WDR41: variants seen among roughly 807,000 people sequenced by gnomAD.
WDR41 encodes the protein WD repeat-containing protein 41.
WDR41 carries 63 observed loss-of-function variants against 69.3 expected under a neutral mutation model. That is an observed-to-expected ratio of 0.91 (90% CI 0.74 to 1.12). The LOEUF (loss-of-function observed/expected upper bound fraction) is 1.12, where lower values mean the gene tolerates loss of function less well. Ranked by LOEUF, WDR41 falls within the 50% of genes most tolerant of loss-of-function variation. The pLI is 0.00. For missense variants in WDR41, 543 were observed against 534.5 expected (o/e 1.02, Z -0.16); for synonymous variants, 185 against 192.1 (o/e 0.96, Z 0.31).
chr5:77,436,177 C>A lies in WDR41; in HGVS notation c.1227+84G>T. 3.3e-6 allele frequency: 5 copies of A among 1,525,426 alleles called. No homozygotes were observed. In the South Asian group the frequency reaches 6.5e-5, roughly 20 times the overall value. The allele number at this position is 1,525,426 out of a possible 1,614,324, so 94.5% of individuals were successfully genotyped here. Reference sequence around the variant, plus strand: ...CTACAGATATAAGAAAAAGTATATGCCTTTATGAGATCAACTGAAAGAAAA... The same window carrying A: ...CTACAGATATAAGAAAAAGTATATGACTTTATGAGATCAACTGAAAGAAAA... On this transcript the variant is annotated intron_variant, in intron 12 of 12. Transcript: ENST00000296679.
At chr5:77,459,201 C>G in intron 4 of WDR41, 77 bp from the exon 5 acceptor site, 1 of 1,063,894 alleles carries the variant, frequency 9.4e-7, no homozygotes, top group Non-Finnish European at 1.4e-6. Flanking sequence ...AACAATTAAG[C>G]CACAAATGTT....
rs570155685 is a variant in WDR41, at chr5:77,605,489, T to C, written c.42+14990A>G. On this transcript the variant is annotated intron_variant, in intron 1 of 5. Transcript: ENST00000509971. ...TCCTCTTCCTATTTAGAGGAATCCA[T>C]TTTGTGTACAGTCTTGTGAGAGGCT... 1.1e-4 allele frequency among the ~76,000 whole-genome samples: 16 copies of C among 152,306 alleles called. 1 individual carries two copies. In the South Asian group the frequency reaches 3.3e-3, roughly 32 times the overall value.
At chr5:77,604,393 A>G (rs978431448) in intron 1 of WDR41, among the ~76,000 whole-genome samples, 17 of 152,222 alleles carry the variant, frequency 1.1e-4, no homozygotes, top group African/African-American at 3.6e-4. Flanking sequence ...GGTGCTTTAC[A>G]TGCTCAGAGA....
intron 8 of WDR41, among the ~76,000 whole-genome samples, chr5:77,445,460 G>C (rs1799343987): frequency 6.6e-6 from 1 of 152,028 alleles, no homozygotes; most frequent in African/African-American, 2.4e-5. Context: ...ACCAGGAAGA[G>C]ACACAACAAA....
chr5:77,512,379 T>A (rs1417270551), intron 1 of WDR41, among the ~76,000 whole-genome samples: 13 of 142,864 alleles, frequency 9.1e-5, no homozygotes, highest in African/African-American at 1.3e-4. Context: ...TGTGTGTGTG[T>A]GTGTGTGTGT....
rs1352059844 is a variant in WDR41 at position 77,479,690 on chromosome 5, A to T, written c.167+9767T>A. 1.6e-3 allele frequency among the ~76,000 whole-genome samples: 243 copies of T among 152,264 alleles called. 3 individuals carry two copies. The highest frequency in any genetic ancestry group is 4.6e-3 in the Admixed American group (71 of 15,286). ...AATCAATTCAAGATGGATTAAAGAC[A>T]TAAACGTTAGACCTAAAACCATAAA... On this transcript the variant is annotated intron_variant, in intron 2 of 12. Coordinates refer to ENST00000296679, the MANE Select transcript of WDR41 (RefSeq NM_018268.4).
chr5:77,461,421 T>C (rs1230512258), intron 4 of WDR41, among the ~76,000 whole-genome samples: 3 of 152,228 alleles, frequency 2.0e-5, no homozygotes, highest in Non-Finnish European at 4.4e-5. Flanking sequence ...ATTTAAAGCA[T>C]GTTCAAGTCT....
intron 4 of WDR41, among the ~76,000 whole-genome samples, chr5:77,461,264 T>C (rs12655628): frequency 0.37 from 55,514 of 152,054 alleles, 10,191 homozygotes; most frequent in African/African-American, 0.39. Context: ...CTTGTTTACA[T>C]TGTATCATAA....
At chr5:77,503,190 C>CAAAAAAAAAAAAAAAAAAAA (rs144057313) in intron 1 of WDR41, among the ~76,000 whole-genome samples, 3 of 74,324 alleles carry the variant, frequency 4.0e-5, no homozygotes, top group South Asian at 5.8e-4. Context: ...AAATGGAAAG[C>CAAAAAAAAAAAAAAAAAAAA]AAAAAAAAAA....
intron 1 of WDR41, among the ~76,000 whole-genome samples, chr5:77,614,894 C>G (rs996738945): frequency 1.3e-5 from 2 of 151,748 alleles, no homozygotes; most frequent in Non-Finnish European, 1.5e-5. Context: ...GTTCAGAAAA[C>G]AGGGCATTCT....
chr5:77,510,645 G>C (rs1328509970), intron 1 of WDR41, among the ~76,000 whole-genome samples: 3 of 151,918 alleles, frequency 2.0e-5, no homozygotes, highest in Non-Finnish European at 2.9e-5. Context: ...AGGAGAAATA[G>C]CTACATTTTT....
intron 1 of WDR41, among the ~76,000 whole-genome samples, chr5:77,610,007 A>T (rs1744513582): frequency 6.6e-6 from 1 of 152,320 alleles, no homozygotes; most frequent in Admixed American, 6.5e-5. Context: ...CTACGTGAAG[A>T]ATGCAGAAGC....
At chr5:77,451,057 A>G (rs1799609344) in intron 7 of WDR41, among the ~76,000 whole-genome samples, 2 of 152,218 alleles carry the variant, frequency 1.3e-5, no homozygotes, top group Admixed American at 1.3e-4. Context: ...ATTTTGGAAT[A>G]ACAAGCAATA....
chr5:77,536,541 A>G (rs1308093726), intron 1 of WDR41, among the ~76,000 whole-genome samples: 3 of 152,212 alleles, frequency 2.0e-5, no homozygotes, highest in Non-Finnish European at 4.4e-5. Context: ...AAGGGGCTTA[A>G]GAGTTAAGTA....
intron 2 of WDR41, among the ~76,000 whole-genome samples, chr5:77,474,366 A>T (rs1236281341): frequency 6.6e-6 from 1 of 152,144 alleles, no homozygotes; most frequent in East Asian, 1.9e-4. Flanking sequence ...CAGCACACCA[A>T]CATGGCACAT....
intron 6 of WDR41, 124 bp from the exon 7 acceptor site, chr5:77,451,477 C>T: frequency 1.3e-6 from 1 of 763,524 alleles, no homozygotes; most frequent in East Asian, 2.7e-5. Flanking sequence ...GAACTAGCTC[C>T]ACACACACTT....
intron 2 of WDR41, among the ~76,000 whole-genome samples, chr5:77,479,209 G>A (rs1345703247): frequency 2.0e-5 from 3 of 151,704 alleles, no homozygotes; most frequent in Non-Finnish European, 2.9e-5. Context: ...CATGCTCATG[G>A]GTAGGAAGAA....
At chr5:77,558,689 T>C (rs1469509187) in intron 1 of WDR41, among the ~76,000 whole-genome samples, 2 of 152,246 alleles carry the variant, frequency 1.3e-5, no homozygotes, top group Admixed American at 6.5e-5. Context: ...GACATGTTTC[T>C]ACTATTTATG....
intron 1 of WDR41, 99 bp from the exon 2 acceptor site, chr5:77,489,671 C>T (rs946865641): frequency 1.6e-6 from 1 of 613,004 alleles, no homozygotes; most frequent in African/African-American, 1.9e-5. Flanking sequence ...TGGTATACAT[C>T]TGAGAACACA....
Sources: gnomAD v4.1 joint callset for allele counts (sites outside exome capture counted in the v4.1 genomes callset) on GRCh38, gnomAD v4.1.1 for gene constraint, MANE v1.5 for transcripts, NCBI Gene and HGNC (gene_info 2026-07-23, HGNC 2026-07-21) for gene names.